ARFGEF2: variants seen among roughly 807,000 people sequenced by gnomAD.
ARFGEF2 encodes the protein ARF guanine nucleotide exchange factor 2.
Under a neutral mutation model 219.9 loss-of-function variants are expected in ARFGEF2, and 74 were observed. That is an observed-to-expected ratio of 0.34 (90% CI 0.28 to 0.41). The LOEUF (loss-of-function observed/expected upper bound fraction) is 0.41. ARFGEF2 is among the 10% of genes least tolerant of loss of function. The pLI, the probability that ARFGEF2 is intolerant of heterozygous loss-of-function variation, is 1.00. For missense variants in ARFGEF2, 1,743 were observed against 2,218.3 expected (o/e 0.79, Z 4.30); for synonymous variants, 733 against 799.2 (o/e 0.92, Z 1.40).
chr20:48,944,992 G>GGT (rs1455983331), intron 3 of ARFGEF2, among the ~76,000 whole-genome samples: 14 of 152,164 alleles, frequency 9.2e-5, no homozygotes, highest in Admixed American at 7.9e-4. Context: ...ATAAGATCAA[G>GGT]GTACTGGCTG....
rs1247506976 is a variant in ARFGEF2, at chr20:49,010,423, T to A, written c.3757+19T>A. 3.7e-6 allele frequency: 6 copies of A among 1,612,374 alleles called. No homozygotes were observed. The highest frequency in any genetic ancestry group is 5.1e-6 in the Non-Finnish European group (6 of 1,179,962). ...ATTGTCAGTAAGTGGCTCTGTTCCC[T>A]CCCTACTAATGTCCCACCTGCAAGT... On this transcript the variant is annotated intron_variant, in intron 27 of 38. Transcript: ENST00000371917.
intron 34 of ARFGEF2, among the ~76,000 whole-genome samples, chr20:49,022,841 T>G (rs1258544032): frequency 6.6e-6 from 1 of 151,760 alleles, no homozygotes; most frequent in Non-Finnish European, 1.5e-5. Flanking sequence ...CTTGACTGGG[T>G]GTGGTGGCTC....
Position 48,926,614 on chromosome 20 carries a change from C to A in ARFGEF2, c.121+4604C>A, listed in dbSNP as rs373382553. On this transcript the variant is annotated intron_variant, in intron 1 of 38. Transcript: ENST00000371917. ...GCTAGGACTACAGGGGCGTACCACC[C>A]ACCTGGCTAATTTTTCTGTTTTTAG... is the stretch of plus-strand genomic sequence containing the variant. Among the ~76,000 whole-genome samples the A allele has an allele frequency of 9.9e-5, 15 of 152,224 alleles. 1 individual carries two copies. The highest frequency in any genetic ancestry group is 8.3e-4 in the South Asian group (4 of 4,810).
At chr20:48,997,017 T>C (rs2091394870) in intron 23 of ARFGEF2, among the ~76,000 whole-genome samples, 1 of 152,086 alleles carries the variant, frequency 6.6e-6, no homozygotes, top group Admixed American at 6.6e-5. Flanking sequence ...ATCTTTCCCT[T>C]TTTATTATTT....
At chr20:48,932,360 T>C (rs1324680545) in intron 1 of ARFGEF2, among the ~76,000 whole-genome samples, 1 of 151,860 alleles carries the variant, frequency 6.6e-6, no homozygotes, top group Non-Finnish European at 1.5e-5. Context: ...AGTTGGGCCA[T>C]TGAGGGTGGA....
In ARFGEF2 at chr20:49,018,969, A is replaced by C. The variant is rs145219415; in HGVS notation, c.4595A>C (p.Asp1532Ala). The C allele has an allele frequency of 1.2e-6, 2 of 1,614,022 alleles. No homozygotes were observed. The highest frequency in any genetic ancestry group is 1.7e-6 in the Non-Finnish European group (2 of 1,179,902). Residue 1532 changes from aspartate to alanine, a missense_variant, in exon 34 of 39, where the codon GAT (aspartate) becomes GCT (alanine). Asp to Ala is a moderately radical substitution (Grantham distance 126). This residue lies in a region of ARFGEF2 where 578 missense variants were observed against 664.0 expected (regional missense o/e 0.87). Transcript: ENST00000371917. Reference protein sequence around the residue: ...RGQSQLSNPTDDSWKGRPYAN... With the variant: ...RGQSQLSNPTADSWKGRPYAN... ...CAGAGCCAGCTCTCTAACCCAACAG[A>C]TGACAGCTGGAAGGGTAGACCATAC...
intron 38 of ARFGEF2, among the ~76,000 whole-genome samples, chr20:49,032,695 G>A (rs748786384): frequency 4.0e-5 from 6 of 151,426 alleles, no homozygotes; most frequent in Non-Finnish European, 5.9e-5. Flanking sequence ...AGGCTCAAGC[G>A]ATCCTCCCAC....
chr20:48,977,398 C>T (rs980632148), intron 14 of ARFGEF2, among the ~76,000 whole-genome samples: 1 of 152,104 alleles, frequency 6.6e-6, no homozygotes, highest in Admixed American at 6.6e-5. Context: ...TGGGTTGATT[C>T]CAAGTTTTTG....
intron 21 of ARFGEF2, among the ~76,000 whole-genome samples, chr20:48,994,088 G>A (rs2091372386): frequency 1.3e-5 from 2 of 152,286 alleles, no homozygotes; most frequent in Non-Finnish European, 2.9e-5. Flanking sequence ...GAGCCATGGG[G>A]AGACAACATT....
chr20:48,971,448 C>T (rs1333172344), intron 10 of ARFGEF2, 94 bp downstream of exon 10: 19 of 1,036,122 alleles, frequency 1.8e-5, no homozygotes, highest in Non-Finnish European at 2.4e-5. Flanking sequence ...TAATATTACA[C>T]TAAGCATTAG....
At chr20:48,932,822 G>T (rs2090921393) in intron 1 of ARFGEF2, among the ~76,000 whole-genome samples, 1 of 152,210 alleles carries the variant, frequency 6.6e-6, no homozygotes, top group Non-Finnish European at 1.5e-5. Context: ...GGCTGGCTTG[G>T]AGTGGAGGAG....
At chr20:49,032,723 C>G (rs1477426793) in intron 38 of ARFGEF2, among the ~76,000 whole-genome samples, 1 of 151,852 alleles carries the variant, frequency 6.6e-6, no homozygotes, top group Non-Finnish European at 1.5e-5. Flanking sequence ...TCCTGAGTAG[C>G]TGGGACCACA....
chr20:49,024,921 G>A (rs534820587), intron 35 of ARFGEF2, among the ~76,000 whole-genome samples: 4 of 152,274 alleles, frequency 2.6e-5, no homozygotes, highest in African/African-American at 9.6e-5. Flanking sequence ...ACTTGAACCC[G>A]GGAGGCGGAG....
chr20:49,032,948 T>A (rs2091645351), intron 38 of ARFGEF2, 75 bp from the exon 39 acceptor site: 1 of 1,396,046 alleles, frequency 7.2e-7, no homozygotes, highest in Admixed American at 1.8e-5. Flanking sequence ...CAGGGTGAGA[T>A]TAACACTTCT....
At position 49,005,129 on chromosome 20, in the gene ARFGEF2, C is replaced by G. The variant is rs1202013237; in HGVS notation, c.3492C>G (p.Leu1164=). 1 of 1,614,136 alleles carries G rather than the reference C, an allele frequency of 6.2e-7. No homozygotes were observed. Among genetic ancestry groups the G allele is most frequent in the Admixed American group, 1.7e-5 (1 of 60,030 alleles). ...TTGCTGTTGACTCATTAAGGCAACT[C>G]TCCATGAAGTTTCTTGAGAAGGGTG... is the stretch of plus-strand genomic sequence containing the variant. ...AIFAVDSLRQ[L]SMKFLEKGEL... Residue 1164 remains leucine (L), a synonymous_variant, in exon 26 of 39, where the codon CTC becomes CTG. Coordinates refer to ENST00000371917, the MANE Select transcript of ARFGEF2 (RefSeq NM_006420.3).
At chr20:48,925,102 G>T (rs531739390) in intron 1 of ARFGEF2, among the ~76,000 whole-genome samples, 40 of 152,250 alleles carry the variant, frequency 2.6e-4, no homozygotes, top group Non-Finnish European at 5.3e-4. Context: ...AGGCTGTGTT[G>T]GAGTATTAAC....
At chr20:48,936,968 GA>G (rs887916084) in intron 1 of ARFGEF2, among the ~76,000 whole-genome samples, 54 of 147,796 alleles carry the variant, frequency 3.7e-4, no homozygotes, top group African/African-American at 1.0e-3. Flanking sequence ...TCTTTTAATG[GA>G]AAAAAAAAAG....
In ARFGEF2 at chr20:48,965,764, A is replaced by G. The variant is rs540699394; in HGVS notation, c.908-108A>G. 3.1e-4 allele frequency: 434 copies of G among 1,378,826 alleles called. 2 individuals carry two copies. The African/African-American group carries it at 5.7e-3, about 18-fold the overall frequency. The allele number at this position is 1,378,826 out of a possible 1,614,324, so 85.4% of individuals were successfully genotyped here. ...TGGGCTGGTGGCACAGGAAAAGGGG[A>G]AAAAGCAACAGCTGGGAGGTTCACA... On this transcript the variant is annotated intron_variant, in intron 7 of 38. Coordinates refer to ENST00000371917, the MANE Select transcript of ARFGEF2 (RefSeq NM_006420.3).
At chr20:48,987,320 G>T (rs1029496123) in intron 16 of ARFGEF2, among the ~76,000 whole-genome samples, 4 of 152,174 alleles carry the variant, frequency 2.6e-5, no homozygotes, top group African/African-American at 9.7e-5. Context: ...TTCCTGTTAT[G>T]GACAGTTTGG....
Sources: gnomAD v4.1 joint callset for allele counts (sites outside exome capture counted in the v4.1 genomes callset) on GRCh38, gnomAD v4.1.1 for gene constraint, gnomAD v4.1.1 regional missense constraint, MANE v1.5 for transcripts, NCBI Gene and HGNC (gene_info 2026-07-23, HGNC 2026-07-21) for gene names.